RBM45: variants seen among roughly 807,000 people sequenced by gnomAD.
RBM45 encodes the protein RNA binding motif protein 45.
In RBM45, 39 loss-of-function variants were observed where a neutral mutation model predicts 58.5. That is an observed-to-expected ratio of 0.67 (90% CI 0.52 to 0.87). RBM45 has a LOEUF of 0.87. RBM45 is among the 40% of genes least tolerant of loss of function. RBM45 has a pLI of 0.00. For missense variants in RBM45, 481 were observed against 581.6 expected, an observed-to-expected ratio of 0.83 and a Z score of 1.78; for synonymous variants, 193 against 203.0, an observed-to-expected ratio of 0.95 and a Z score of 0.42.
chr2:178,135,054 T>C (rs555799511), intron 3 of RBM45, among the ~76,000 whole-genome samples: 2 of 152,348 alleles, frequency 1.3e-5, no homozygotes, highest in African/African-American at 2.4e-5. Context: ...TGTTGGGTTT[T>C]GGCCCTAGGA....
At chr2:178,112,876 G>T (rs368489501) in intron 1 of RBM45, 30 bp downstream of exon 1, 1 of 1,593,266 alleles carries the variant, frequency 6.3e-7, no homozygotes, top group Non-Finnish European at 8.6e-7. Context: ...GGTGCCCTCG[G>T]GGGAAGGAGT....
chr2:178,125,782 T>A (rs1302274842), intron 8 of RBM45: 4 of 701,590 alleles, frequency 5.7e-6, no homozygotes. Context: ...GGAGTTAGAT[T>A]AAGGAAAAGA....
At chr2:178,122,482 C>A (rs1300773893) in intron 5 of RBM45, among the ~76,000 whole-genome samples, 3 of 152,160 alleles carry the variant, frequency 2.0e-5, no homozygotes, top group Non-Finnish European at 4.4e-5. Context: ...GTCTTTGAGC[C>A]ATCCCCAGTC....
intron 9 of RBM45, 69 bp downstream of exon 9, chr2:178,126,253 C>A: frequency 1.1e-6 from 1 of 940,406 alleles, no homozygotes; most frequent in Non-Finnish European, 1.5e-6. Context: ...TGTGTAAGTA[C>A]TTTATAAACT....
intron 1 of RBM45, among the ~76,000 whole-genome samples, chr2:178,114,146 A>G (rs745565738): frequency 5.3e-5 from 8 of 152,220 alleles, no homozygotes; most frequent in Non-Finnish European, 1.0e-4. Context: ...CAGGCCACAT[A>G]CAGTCTCTGT....
At chr2:178,137,841 C>T (rs898496669) in exon 4 of RBM45, 1 of 152,098 alleles carries the variant, frequency 6.6e-6, no homozygotes, top group Non-Finnish European at 1.5e-5. Flanking sequence ...CAGCATGAGG[C>T]TGGTGAAACA....
chr2:178,115,161 T>C (rs1397578673), intron 1 of RBM45, among the ~76,000 whole-genome samples: 1 of 152,206 alleles, frequency 6.6e-6, no homozygotes, highest in African/African-American at 2.4e-5. Flanking sequence ...GGCTGTAGTT[T>C]TGCAAGAATG....
rs2087776494 is a variant in RBM45, at chr2:178,116,334, G to A, written c.373G>A (p.Val125Ile). 2 of 1,613,066 alleles carry A rather than the reference G, an allele frequency of 1.2e-6. No individual in the cohort carries two copies. Among genetic ancestry groups the A allele is most frequent in the Non-Finnish European group, 1.7e-6 (2 of 1,179,706 alleles). ...AGATGAAGAACTTACAAGAATCTTTGTTATGATACCAAAGTCCTACACAGA... is the reference window on the plus strand; with the variant it reads ...AGATGAAGAACTTACAAGAATCTTTATTATGATACCAAAGTCCTACACAGA... The part of the protein sequence containing the change: ...VEDEELTRIF[V>I]MIPKSYTEED... Residue 125 changes from valine (V) to isoleucine (I), a missense_variant, in exon 2 of 10, where the codon GTT (valine) becomes ATT (isoleucine). Coordinates refer to ENST00000286070, the MANE Select transcript of RBM45 (RefSeq NM_152945.4).
At position 178,112,756 on chromosome 2, in the gene RBM45, C is replaced by T. The variant is rs368114564; in HGVS notation, c.210C>T (p.Phe70=). The T allele has an allele frequency of 1.0e-4, 164 of 1,613,924 alleles. No individual in the cohort carries two copies. The highest frequency in any genetic ancestry group is 1.3e-4 in the Non-Finnish European group (156 of 1,180,062). Reference sequence around the variant, plus strand: ...CCAAGGAGTCCAAGGGCATTGCTTTCGTCAAGTTCGCCCGCAGCTCACAGG... The same window carrying T: ...CCAAGGAGTCCAAGGGCATTGCTTTTGTCAAGTTCGCCCGCAGCTCACAGG... ...KHTKESKGIA[F]VKFARSSQAC... The change falls in exon 1 of 10, where the codon TTC becomes TTT. Residue 70 remains phenylalanine, a synonymous_variant. Transcript: ENST00000286070.
chr2:178,136,266 C>CTCCA (rs2088044295), intron 3 of RBM45, among the ~76,000 whole-genome samples: 1 of 152,056 alleles, frequency 6.6e-6, no homozygotes, highest in Non-Finnish European at 1.5e-5. Flanking sequence ...GCCGAGATCA[C>CTCCA]GCCACTGCAC....
At chr2:178,130,981 A>G (rs2088000013), downstream of RBM45, among the ~76,000 whole-genome samples, 1 of 152,148 alleles carries the variant, frequency 6.6e-6, no homozygotes, top group Non-Finnish European at 1.5e-5. Context: ...CAGTGGCGCG[A>G]CTGTAGTCCC....
chr2:178,118,267 AT>A lies in RBM45; in HGVS notation c.550+87del, dbSNP rs2087804373. 33 of 1,304,716 alleles carry A rather than the reference AT, an allele frequency of 2.5e-5. No individual in the cohort carries two copies. In the South Asian group the frequency reaches 5.3e-4, roughly 21 times the overall value. The allele number at this position is 1,304,716 out of a possible 1,614,324, so 80.8% of individuals were successfully genotyped here. ...CTGAATTTAATATTAGTTTTTGCTA[AT>A]AACTGTATCTGCTAATGTAATTTTA... On this transcript the variant is annotated intron_variant, in intron 3 of 9. Transcript: ENST00000286070.
intron 4 of RBM45, 39 bp downstream of exon 4, chr2:178,120,448 T>C: frequency 1.3e-6 from 2 of 1,544,810 alleles, no homozygotes; most frequent in Non-Finnish European, 1.7e-6. Context: ...TATAATGTAG[T>C]ATATGCAATC....
intron 1 of RBM45, 132 bp downstream of exon 1, chr2:178,112,978 C>A: frequency 1.0e-6 from 1 of 967,724 alleles, no homozygotes; most frequent in Non-Finnish European, 1.5e-6. Flanking sequence ...CAGCACCTGG[C>A]TTGGGGACAG....
Position 178,121,308 on chromosome 2 carries a change from G to A in RBM45, c.802G>A (p.Val268Ile). Reference protein sequence around the residue: ...EEQLFSIFDIVPGLEYCEVQR... With the variant: ...EEQLFSIFDIIPGLEYCEVQR... ...ACAGCTTTTCAGCATTTTTGATATAGTACCAGGATTGGAATATTGTGAAGT... is the reference window on the plus strand; with the variant it reads ...ACAGCTTTTCAGCATTTTTGATATAATACCAGGATTGGAATATTGTGAAGT... Residue 268 changes from valine (V) to isoleucine (I), a missense_variant, in exon 5 of 10, where the codon GTA becomes ATA. Transcript: ENST00000286070. The A allele has an allele frequency of 6.2e-7, 1 of 1,601,394 alleles. No homozygotes were observed. The highest frequency in any genetic ancestry group is 8.5e-7 in the Non-Finnish European group (1 of 1,174,898).
chr2:178,119,335 C>T (rs545261042), intron 3 of RBM45, among the ~76,000 whole-genome samples: 11 of 152,182 alleles, frequency 7.2e-5, no homozygotes, highest in Non-Finnish European at 1.5e-4. Flanking sequence ...TGTCTGGTGT[C>T]GAGGAGGCAG....
chr2:178,124,358 C>T (rs974890245), intron 8 of RBM45, 68 bp downstream of exon 8: 5 of 1,007,162 alleles, frequency 5.0e-6, no homozygotes, highest in African/African-American at 5.0e-5. Context: ...ATAATCTAGA[C>T]ACTTCCTTCA....
At chr2:178,133,701 T>C (rs2088022404), downstream of RBM45, among the ~76,000 whole-genome samples, 1 of 152,248 alleles carries the variant, frequency 6.6e-6, no homozygotes, top group Admixed American at 6.5e-5. Context: ...ACACAGGCTT[T>C]GTTCCATATG....
rs764370192 is a variant in RBM45 at position 178,123,664 on chromosome 2, C to T, written c.983+13C>T. 1.3e-6 allele frequency: 2 copies of T among 1,595,734 alleles called. No individual in the cohort carries two copies. The highest frequency in any genetic ancestry group is 3.5e-5 in the Admixed American group (2 of 56,430). ...GTAATGCAACAGAGTAAGTACCATT[C>T]CAGGAGTGTCTAAAGCCGAGCTTTG... On this transcript the variant is annotated intron_variant, in intron 6 of 9. Transcript: ENST00000286070.
Sources: allele counts gnomAD v4.1 joint callset (sites outside exome capture counted in the v4.1 genomes callset), GRCh38; gene constraint gnomAD v4.1.1; transcripts MANE v1.5; gene names NCBI Gene and HGNC (gene_info 2026-07-23, HGNC 2026-07-21).